BRCA1: variants seen among roughly 807,000 people sequenced by gnomAD.
BRCA1 encodes BRCA1 DNA repair associated.
Under a neutral mutation model 173.7 loss-of-function variants are expected in BRCA1, and 140 were observed. The ratio of observed to expected loss-of-function variants is 0.81; its 90% confidence interval spans 0.70 to 0.93. BRCA1 has a LOEUF of 0.93. BRCA1 is among the 40% of genes least tolerant of loss of function. The pLI is 0.00. For synonymous variants in BRCA1, 662 were observed against 756.0 expected, an observed-to-expected ratio of 0.88 and a Z score of 2.04; for missense variants, 1,983 against 2,172.5, an observed-to-expected ratio of 0.91 and a Z score of 1.73.
rs397508927 is a variant in BRCA1, at chr17:43,093,547, G to A, written c.1984C>T (p.His662Tyr). The A allele has an allele frequency of 2.5e-6, 4 of 1,613,958 alleles. No homozygotes were observed. Among genetic ancestry groups the A allele is most frequent in the Non-Finnish European group, 3.4e-6 (4 of 1,180,002 alleles). The change falls in exon 10 of 23, where the codon CAC becomes TAC. Residue 662 changes from histidine (H) to tyrosine (Y), a missense_variant. His to Tyr is a moderately conservative substitution (Grantham distance 83). Transcript: ENST00000357654. ...TCCATGAGTTGTAGGTTTCTGCTGT[G>A]CCTGACTGGCATTTGGTTGTACTTT... is the stretch of plus-strand genomic sequence containing the variant. ...KKKYNQMPVRHSRNLQLMEGK... is the reference protein window; with the variant it reads ...KKKYNQMPVRYSRNLQLMEGK...
intron 19 of BRCA1, among the ~76,000 whole-genome samples, chr17:43,056,005 T>A (rs1382075312): frequency 6.6e-6 from 1 of 152,158 alleles, no homozygotes; most frequent in African/African-American, 2.4e-5. Flanking sequence ...TCTAGTTCCA[T>A]CACTTATTAC....
At chr17:43,089,207 C>T (rs1231506285) in intron 11 of BRCA1, among the ~76,000 whole-genome samples, 3 of 151,928 alleles carry the variant, frequency 2.0e-5, no homozygotes, top group African/African-American at 7.3e-5. Flanking sequence ...ATCCCAGCTA[C>T]TTAGAAGGCT....
chr17:43,111,159 T>C (rs1227180271), intron 3 of BRCA1, among the ~76,000 whole-genome samples: 2 of 151,906 alleles, frequency 1.3e-5, no homozygotes, highest in Non-Finnish European at 2.9e-5. Context: ...TTCAAACTAA[T>C]GCATGACTGC....
rs80357087 is a variant in BRCA1, at chr17:43,067,677, C to A, written c.5005G>T (p.Ala1669Ser). The stretch of plus-strand genomic sequence containing the variant: ...GTTAAAGTGATGTGGTGTTTTCTGG[C>A]AAACTTGTACACGAGCATCTGAAAT... ...PEEFMLVYKF[A>S]RKHHITLTNL... Residue 1669 changes from alanine to serine, a missense_variant, in exon 16 of 23, where the codon GCC becomes TCC. Transcript: ENST00000357654. 9.3e-5 allele frequency: 150 copies of A among 1,612,512 alleles called. No homozygotes were observed. The highest frequency in any genetic ancestry group is 1.2e-4 in the Non-Finnish European group (138 of 1,178,788).
At position 43,099,982 on chromosome 17, in the gene BRCA1, A is replaced by T. The variant is rs943655166; in HGVS notation, c.442-102T>A. ...CCATGGACAAAATAAATTGACCATC[A>T]TCAGTCAGCTAACATGTATGATGCC... is the stretch of plus-strand genomic sequence containing the variant. On this transcript the variant is annotated intron_variant, in intron 6 of 22. Coordinates refer to ENST00000357654, the MANE Select transcript of BRCA1 (RefSeq NM_007294.4). 3 of 915,686 alleles carry T rather than the reference A, an allele frequency of 3.3e-6. No individual in the cohort carries two copies. The African/African-American group carries it at 4.9e-5, about 15-fold the overall frequency. The allele number at this position is 915,686 out of a possible 1,614,324, so 56.7% of individuals were successfully genotyped here. A position where few individuals can be genotyped will look rare whatever the true frequency, so the allele number is the denominator to read the frequency against.
intron 15 of BRCA1, among the ~76,000 whole-genome samples, chr17:43,070,420 T>G (rs1207942814): frequency 6.6e-6 from 1 of 152,172 alleles, no homozygotes; most frequent in Non-Finnish European, 1.5e-5. Flanking sequence ...CCCAAGGTGA[T>G]GCCAAAATCC....
At chr17:43,068,276 CAAAA>C (rs766373028) in intron 15 of BRCA1, among the ~76,000 whole-genome samples, 18 of 92,248 alleles carry the variant, frequency 2.0e-4, no homozygotes, top group African/African-American at 7.4e-4. Context: ...GACTCCGTCT[CAAAA>C]AAAAAAAAAA....
intron 2 of BRCA1, among the ~76,000 whole-genome samples, chr17:43,116,126 C>T (rs2154566261): frequency 6.6e-6 from 1 of 152,244 alleles, no homozygotes; most frequent in Admixed American, 6.5e-5. Context: ...GGGTGCACAT[C>T]TCATCTTTAA....
chr17:43,132,589 C>G (rs897240913), intron 1 of BRCA1: 5 of 142,348 alleles, frequency 3.5e-5, no homozygotes, highest in Admixed American at 1.4e-4. Flanking sequence ...TTTTCTTTTT[C>G]TTTTTTTAGA....
chr17:43,064,280 T>C (rs2051955792), intron 16 of BRCA1, among the ~76,000 whole-genome samples: 1 of 152,212 alleles, frequency 6.6e-6, no homozygotes, highest in African/African-American at 2.4e-5. Context: ...ATTATCCATG[T>C]CAATAGTTTT....
chr17:43,121,803 A>T (rs1211701484), intron 2 of BRCA1, among the ~76,000 whole-genome samples: 1 of 152,002 alleles, frequency 6.6e-6, no homozygotes, highest in Non-Finnish European at 1.5e-5. Context: ...TCATTCTTAC[A>T]TCTTTAATTT....
At position 43,094,387 on chromosome 17, in the gene BRCA1, C is replaced by A. The variant is rs1160165083; in HGVS notation, c.1144G>T (p.Val382Phe). ...WITLNSSIQK[V>F]NEWFSRSDEL... is the part of the protein sequence containing the mutation. The stretch of plus-strand genomic sequence containing the variant: ...TCACTTCTGGAAAACCACTCATTAA[C>A]TTTCTGAATGCTGCTATTTAGTGTT... Residue 382 changes from valine (V) to phenylalanine (F), a missense_variant, in exon 10 of 23, where the codon GTT (valine) becomes TTT (phenylalanine). Physicochemically the swap from Val to Phe is conservative, Grantham distance 50. Coordinates refer to ENST00000357654, the MANE Select transcript of BRCA1 (RefSeq NM_007294.4). The A allele has an allele frequency of 6.2e-7, 1 of 1,614,094 alleles. No individual in the cohort carries two copies. Among genetic ancestry groups the A allele is most frequent in the Admixed American group, 1.7e-5 (1 of 60,010 alleles).
chr17:43,086,756 A>G (rs1423933989), intron 11 of BRCA1, among the ~76,000 whole-genome samples: 1 of 152,272 alleles, frequency 6.6e-6, no homozygotes, highest in African/African-American at 2.4e-5. Context: ...GTATATTGAC[A>G]GAGTCCCAAA....
intron 7 of BRCA1, 68 bp downstream of exon 7, chr17:43,099,707 T>C (rs760491174): frequency 1.1e-4 from 148 of 1,360,042 alleles, no homozygotes; most frequent in Non-Finnish European, 1.5e-4. Flanking sequence ...ACCAAGATTT[T>C]TGGCAAAACT....
At chr17:43,057,648 A>T (rs1041954639) in intron 18 of BRCA1, among the ~76,000 whole-genome samples, 69 of 152,086 alleles carry the variant, frequency 4.5e-4, no homozygotes, top group Admixed American at 6.6e-4. Context: ...ATCCTGGCTA[A>T]CACGGTGAAA....
intron 22 of BRCA1, among the ~76,000 whole-genome samples, chr17:43,047,124 C>T (rs1400452825): frequency 2.0e-5 from 3 of 151,904 alleles, no homozygotes; most frequent in East Asian, 1.9e-4. Flanking sequence ...TTTTGAGACA[C>T]GGTCTCGCTC....
chr17:43,095,906 ATTC>A lies in BRCA1; in HGVS notation c.607_609del (p.Glu203del). The stretch of plus-strand genomic sequence containing the variant: ...GTTCCTTGAGGGGTGATTTGTAACA[ATTC>A]TTGATCTCCCACACTATAGGGAAAA... On this transcript the variant is annotated inframe_deletion, in exon 9 of 23. Transcript: ENST00000357654. 1.2e-6 allele frequency: 2 copies of A among 1,613,336 alleles called. No individual in the cohort carries two copies. The highest frequency in any genetic ancestry group is 1.7e-6 in the Non-Finnish European group (2 of 1,179,446).
Position 43,045,443 on chromosome 17 carries a change from G to T in BRCA1, c.*235C>A. On this transcript the variant is annotated 3_prime_UTR_variant, in exon 23 of 23. Coordinates refer to ENST00000357654, the MANE Select transcript of BRCA1 (RefSeq NM_007294.4). ...AAATGGTTTTAAAATCTTCTCAGGTGAAAAATTACCATAATTTTGTGCTCA... is the reference window on the plus strand; with the variant it reads ...AAATGGTTTTAAAATCTTCTCAGGTTAAAAATTACCATAATTTTGTGCTCA... The T allele has an allele frequency of 1.4e-6, 1 of 711,466 alleles. No individual in the cohort carries two copies. The highest frequency in any genetic ancestry group is 2.5e-6 in the Non-Finnish European group (1 of 397,918). 44.1% of individuals were successfully genotyped at this position (711,466 alleles called of 1,614,324 possible). A position where few individuals can be genotyped will look rare whatever the true frequency, so the allele number is the denominator to read the frequency against.
At chr17:43,109,057 CCTAT>C (rs548603222) in intron 3 of BRCA1, among the ~76,000 whole-genome samples, 86 of 152,170 alleles carry the variant, frequency 5.7e-4, no homozygotes, top group Non-Finnish European at 2.2e-4. Flanking sequence ...TATCTACCTA[CCTAT>C]CTATCTGTCT....
Sources: allele counts gnomAD v4.1 joint callset (sites outside exome capture counted in the v4.1 genomes callset), GRCh38; gene constraint gnomAD v4.1.1; transcripts MANE v1.5; gene names NCBI Gene and HGNC (gene_info 2026-07-23, HGNC 2026-07-21).